SNX25: variants seen among roughly 807,000 people sequenced by gnomAD.
SNX25 encodes sorting nexin 25.
A neutral mutation model predicts 113.7 loss-of-function variants in SNX25; 62 were observed. The observed-to-expected ratio is 0.55, with a 90% CI of 0.44 to 0.67. The LOEUF (loss-of-function observed/expected upper bound fraction) is 0.67. Ranked by LOEUF, SNX25 falls within the 30% of genes least tolerant of loss-of-function variation. The probability of loss-of-function intolerance (pLI) is 0.00; values close to 1 mark genes in which losing one functional copy is unlikely to be tolerated. For missense variants in SNX25, 1,014 were observed against 1,161.0 expected (o/e 0.87, Z 1.84); for synonymous variants, 421 against 436.2 (o/e 0.97, Z 0.43).
chr4:185,318,660 G>GTCCT (rs2095094503), intron 7 of SNX25, among the ~76,000 whole-genome samples: 1 of 152,126 alleles, frequency 6.6e-6, no homozygotes, highest in African/African-American at 2.4e-5. Flanking sequence ...AGATCCCAGT[G>GTCCT]TCCTTGTCTT....
downstream of SNX25, chr4:185,374,349 C>T: frequency 6.2e-7 from 1 of 1,614,124 alleles, no homozygotes; most frequent in Non-Finnish European, 8.5e-7. Context: ...TCGTTTAACA[C>T]CTTTTCCTTC....
At position 185,335,043 on chromosome 4, in the gene SNX25, G is replaced by T. The variant is rs986897241; in HGVS notation, c.1914+2284G>T. On this transcript the variant is annotated intron_variant, in intron 10 of 18. Coordinates refer to ENST00000652585, the MANE Select transcript of SNX25 (RefSeq NM_001378034.2). ...TTTTTTAAAAACTTAAGATTGGCCA[G>T]GAGTGGTGGCTCATGCCTGTAATCC... Among the ~76,000 whole-genome samples the T allele has an allele frequency of 2.6e-5, 4 of 152,142 alleles. No homozygotes were observed. The South Asian group carries it at 6.2e-4, about 24-fold the overall frequency.
chr4:185,361,110 C>T (rs962053588), intron 16 of SNX25, among the ~76,000 whole-genome samples: 2 of 152,066 alleles, frequency 1.3e-5, no homozygotes, highest in African/African-American at 4.8e-5. Flanking sequence ...AAGGGACTAT[C>T]TTTTTCCTTG....
intron 13 of SNX25, among the ~76,000 whole-genome samples, chr4:185,347,616 G>A (rs576393152): frequency 1.3e-5 from 2 of 151,910 alleles, no homozygotes; most frequent in African/African-American, 4.8e-5. Flanking sequence ...GATTACAGGC[G>A]CCTGCCACCA....
chr4:185,369,087 C>T (rs1174433788), intron 11 of SNX25, among the ~76,000 whole-genome samples: 2 of 151,928 alleles, frequency 1.3e-5, no homozygotes, highest in African/African-American at 2.4e-5. Flanking sequence ...AGCCACGGTA[C>T]CTGGACTTTT....
intron 1 of SNX25, among the ~76,000 whole-genome samples, chr4:185,212,491 G>GTTTTTTTT (rs61204525): frequency 1.9e-5 from 2 of 104,940 alleles, no homozygotes; most frequent in Non-Finnish European, 3.8e-5. Flanking sequence ...GTGTGTGTGT[G>GTTTTTTTT]TTTTTTTTTT....
At chr4:185,375,579 A>C in the SNX25 span, 74 of 1,188,778 alleles carry the variant, frequency 6.2e-5, no homozygotes, top group Non-Finnish European at 7.7e-5. Flanking sequence ...CTGACAATGA[A>C]ATCTTAACCA....
intron 1 of SNX25, among the ~76,000 whole-genome samples, chr4:185,230,978 T>C (rs905631340): frequency 2.3e-4 from 35 of 152,200 alleles, no homozygotes; most frequent in African/African-American, 8.4e-4. Context: ...AACTAAGTCA[T>C]GTCTAATATT....
downstream of SNX25, chr4:185,374,524 C>T (rs929095779): frequency 1.5e-5 from 23 of 1,570,496 alleles, no homozygotes; most frequent in African/African-American, 2.0e-4. Flanking sequence ...GAATTTCTTT[C>T]TCCCAATAAG....
At chr4:185,352,686 G>C (rs1270371528) in intron 14 of SNX25, among the ~76,000 whole-genome samples, 1 of 152,170 alleles carries the variant, frequency 6.6e-6, no homozygotes, top group Non-Finnish European at 1.5e-5. Flanking sequence ...CTGTGATGCT[G>C]TTTTTAGGGA....
intron 10 of SNX25, among the ~76,000 whole-genome samples, chr4:185,335,181 G>C (rs564250375): frequency 6.6e-6 from 1 of 152,002 alleles, no homozygotes; most frequent in Admixed American, 6.6e-5. Context: ...TTAGCCTGTC[G>C]TGGTGGCGGG....
At chr4:185,311,791 G>A (rs1033706441) in intron 7 of SNX25, among the ~76,000 whole-genome samples, 2 of 152,026 alleles carry the variant, frequency 1.3e-5, no homozygotes, top group Admixed American at 1.3e-4. Flanking sequence ...GACTTTCTTA[G>A]TTTCTGGCTA....
downstream of SNX25, chr4:185,365,222 GA>G (rs1320308841): frequency 6.6e-6 from 1 of 152,124 alleles, no homozygotes; most frequent in Non-Finnish European, 1.5e-5. Flanking sequence ...ATTTATAGAA[GA>G]CATATAAGCA....
intron 11 of SNX25, chr4:185,369,701 T>G: frequency 4.8e-6 from 2 of 416,796 alleles, no homozygotes; most frequent in Non-Finnish European, 9.4e-6. Context: ...AGTTTTAATT[T>G]TAAAGTAATT....
chr4:185,317,391 A>G (rs1002368527), intron 7 of SNX25, among the ~76,000 whole-genome samples: 2 of 152,188 alleles, frequency 1.3e-5, no homozygotes, highest in African/African-American at 2.4e-5. Context: ...AATTAGTTCA[A>G]CCGTTGTGGA....
chr4:185,321,553 G>A (rs975462632), intron 8 of SNX25, among the ~76,000 whole-genome samples: 4 of 152,100 alleles, frequency 2.6e-5, no homozygotes, highest in South Asian at 2.1e-4. Context: ...ATGAGCCACC[G>A]CAGCCAGCTT....
chr4:185,287,981 A>G (rs1272999398), intron 5 of SNX25, 31 bp from the exon 6 acceptor site: 1 of 1,551,732 alleles, frequency 6.4e-7, no homozygotes, highest in Non-Finnish European at 8.9e-7. Flanking sequence ...CTTCCTCTTA[A>G]ATCTTTTTCT....
chr4:185,226,944 G>A lies in SNX25; in HGVS notation c.429+16689G>A, dbSNP rs574420464. On this transcript the variant is annotated intron_variant, in intron 1 of 18. Coordinates refer to ENST00000652585, the MANE Select transcript of SNX25 (RefSeq NM_001378034.2). ...TAAGAAAGAATACACAGTCCAGAGA[G>A]AGGACAAGCTCAGGGCTAGGGCAGG... 5.9e-5 allele frequency among the ~76,000 whole-genome samples: 9 copies of A among 152,282 alleles called. No individual in the cohort carries two copies. The East Asian group carries it at 1.5e-3, about 26-fold the overall frequency.
chr4:185,372,581 C>T (rs1412936850), downstream of SNX25, among the ~76,000 whole-genome samples: 1 of 152,106 alleles, frequency 6.6e-6, no homozygotes, highest in Non-Finnish European at 1.5e-5. Context: ...CTTGGAAATC[C>T]CAGTGTTGCT....
Sources: gnomAD v4.1 joint callset for allele counts (sites outside exome capture counted in the v4.1 genomes callset) on GRCh38, gnomAD v4.1.1 for gene constraint, MANE v1.5 for transcripts, NCBI Gene and HGNC (gene_info 2026-07-23, HGNC 2026-07-21) for gene names.